ANKHD1: variants seen among roughly 807,000 people sequenced by gnomAD.
ANKHD1 encodes the protein ankyrin repeat and KH domain-containing protein 1.
A neutral mutation model predicts 230.5 loss-of-function variants in ANKHD1; 31 were observed. The ratio of observed to expected loss-of-function variants is 0.13; its 90% CI spans 0.10 to 0.18. The LOEUF (loss-of-function observed/expected upper bound fraction) is 0.18. Among genes scored for constraint, ANKHD1 ranks in the 10% least tolerant of loss-of-function variants. ANKHD1 has a pLI of 1.00. For synonymous variants in ANKHD1, 1,074 were observed against 1,117.6 expected (o/e 0.96, Z 0.78); for missense variants, 2,256 against 3,071.3 (o/e 0.73, Z 6.27).
rs1432504084 is a variant in ANKHD1 at position 140,529,032 on chromosome 5, A to T, written c.6086A>T (p.Glu2029Val). 6.2e-7 allele frequency: 1 copy of T among 1,614,094 alleles called. No homozygotes were observed. The highest frequency in any genetic ancestry group is 1.1e-5 in the South Asian group (1 of 91,082). ...ESFSAVPPTK[E>V]KVSTQDQPMA... ...TTCTCTGCTGTGCCACCCACCAAAG[A>T]GAAAGTGTCCACACAGGACCAGCCC... Residue 2029 changes from glutamate (E) to valine (V), a missense_variant, in exon 29 of 34, where the codon GAG (glutamate) becomes GTG (valine). Around this residue, in one of 13 missense-constraint regions of ANKHD1, gnomAD observed 778 missense variants for 966.5 expected, o/e 0.80. Coordinates refer to ENST00000360839, the MANE Select transcript of ANKHD1 (RefSeq NM_017747.3).
At chr5:140,410,058 A>G (rs1404668637) in intron 1 of ANKHD1, among the ~76,000 whole-genome samples, 3 of 152,178 alleles carry the variant, frequency 2.0e-5, no homozygotes, top group Non-Finnish European at 2.9e-5. Flanking sequence ...TATTTTCAAT[A>G]GATAATTACA....
chr5:140,501,710 C>T (rs1393054527), intron 15 of ANKHD1, among the ~76,000 whole-genome samples: 2 of 151,732 alleles, frequency 1.3e-5, no homozygotes, highest in East Asian at 3.9e-4. Flanking sequence ...GATCATGCCA[C>T]TGCACTCCAG....
chr5:140,409,549 ATTTT>A (rs5871734), intron 1 of ANKHD1, among the ~76,000 whole-genome samples: 14 of 125,120 alleles, frequency 1.1e-4, no homozygotes, highest in Non-Finnish European at 1.5e-4. Flanking sequence ...TACTGTAACA[ATTTT>A]TTTTTTTTTT....
rs1753603700 is a variant in ANKHD1 at position 140,526,275 on chromosome 5, G to A, written c.4772G>A (p.Ser1591Asn). 6.2e-7 allele frequency: 1 copy of A among 1,614,204 alleles called. No individual in the cohort carries two copies. The highest frequency in any genetic ancestry group is 8.5e-7 in the Non-Finnish European group (1 of 1,180,038). The change falls in exon 26 of 34, where the codon AGT becomes AAT. Residue 1591 changes from serine (S) to asparagine (N), a missense_variant. By Grantham distance (46) the Ser-to-Asn change is conservative. Around this residue, in one of 13 missense-constraint regions of ANKHD1, gnomAD observed 212 missense variants for 257.3 expected, o/e 0.82. Coordinates refer to ENST00000360839, the MANE Select transcript of ANKHD1 (RefSeq NM_017747.3). ...AGAGGTGGTGGTGCAGGTGGGAATA[G>A]TGATTCAGATAACTTGGACAGCACA... is the stretch of plus-strand genomic sequence containing the variant. ...EPRGGGAGGN[S>N]DSDNLDSTDC... is the part of the protein sequence containing the mutation.
chr5:140,486,922 G>T (rs776632905), intron 13 of ANKHD1, 36 bp from the exon 14 acceptor site: 2 of 1,597,166 alleles, frequency 1.3e-6, no homozygotes, highest in South Asian at 2.2e-5. Context: ...CTTATTCTTT[G>T]GTCTGAGATG....
Position 140,527,384 on chromosome 5 carries a change from A to G in ANKHD1, c.5087+310A>G. The G allele has an allele frequency of 3.7e-6, 1 of 266,756 alleles. No homozygotes were observed. Among genetic ancestry groups the G allele is most frequent in the Admixed American group, 5.2e-5 (1 of 19,218 alleles). The allele number at this position is 266,756 out of a possible 1,614,324, so 16.5% of individuals were successfully genotyped here. A position where few individuals can be genotyped will look rare whatever the true frequency, so the allele number is the denominator to read the frequency against. ...CAGTAATTCTAGAACTAAAGTACTA[A>G]TAATCAACTTTAGATTCAGAATACA... On this transcript the variant is annotated intron_variant, in intron 27 of 33. Transcript: ENST00000360839. The surrounding 1 kb of genome is among the most constrained non-coding windows in gnomAD (Gnocchi z 4.5).
chr5:140,452,062 CA>C (rs1380143254), intron 7 of ANKHD1, among the ~76,000 whole-genome samples: 1 of 152,148 alleles, frequency 6.6e-6, no homozygotes, highest in African/African-American at 2.4e-5. Context: ...TACGGCACAC[CA>C]GGAGATTATA....
intron 6 of ANKHD1, among the ~76,000 whole-genome samples, chr5:140,447,408 A>G (rs1581258516): frequency 6.6e-6 from 1 of 151,332 alleles, no homozygotes; most frequent in African/African-American, 2.4e-5. Context: ...GGGTCTCACT[A>G]TGTTGCCCAG....
intron 14 of ANKHD1, among the ~76,000 whole-genome samples, chr5:140,487,718 G>A (rs930791177): frequency 2.0e-5 from 3 of 152,222 alleles, no homozygotes; most frequent in Non-Finnish European, 2.9e-5. Context: ...TCATAATTAT[G>A]TATAGTTGTA....
chr5:140,530,581 T>A (rs926305172), intron 29 of ANKHD1, among the ~76,000 whole-genome samples: 3 of 151,650 alleles, frequency 2.0e-5, no homozygotes, highest in African/African-American at 7.3e-5. Context: ...CAGTGTAGAT[T>A]TAGCTGTTGC....
chr5:140,486,071 GTT>G (rs960695753), intron 13 of ANKHD1: 5 of 214,778 alleles, frequency 2.3e-5, no homozygotes, highest in East Asian at 1.7e-4. Flanking sequence ...TTTTTCTTTT[GTT>G]TTTTTTTTTG....
chr5:140,494,662 A>C (rs1751945843), intron 14 of ANKHD1, among the ~76,000 whole-genome samples: 1 of 152,190 alleles, frequency 6.6e-6, no homozygotes, highest in Admixed American at 6.5e-5. Flanking sequence ...AAAAAAGTAG[A>C]TGAATCTCTA....
chr5:140,478,539 A>G (rs2035528900), intron 10 of ANKHD1, among the ~76,000 whole-genome samples: 1 of 152,188 alleles, frequency 6.6e-6, no homozygotes, highest in African/African-American at 2.4e-5. Context: ...TAGAATAGGA[A>G]ACCATGTATT....
intron 15 of ANKHD1, chr5:140,497,941 C>G (rs898045034): frequency 6.7e-6 from 1 of 150,098 alleles, no homozygotes; most frequent in Non-Finnish European, 1.5e-5. Flanking sequence ...GCCTGATAAC[C>G]TTGAAGTATA....
At chr5:140,495,909 G>T (rs957531698) in intron 14 of ANKHD1, among the ~76,000 whole-genome samples, 1 of 152,040 alleles carries the variant, frequency 6.6e-6, no homozygotes, top group South Asian at 2.1e-4. Flanking sequence ...TGTGTTAAAG[G>T]TATATTTAAT....
intron 29 of ANKHD1, among the ~76,000 whole-genome samples, chr5:140,530,692 T>G (rs1287048941): frequency 6.6e-6 from 1 of 152,252 alleles, no homozygotes; most frequent in Non-Finnish European, 1.5e-5. Flanking sequence ...CCAGAATCTA[T>G]TTTCTATGGT....
intron 25 of ANKHD1, 31 bp from the exon 26 acceptor site, chr5:140,525,961 CTCAG>C: frequency 1.3e-6 from 2 of 1,528,290 alleles, no homozygotes; most frequent in East Asian, 4.5e-5. Context: ...AGATCTGTGA[CTCAG>C]TATGATTTTT....
At chr5:140,404,862 C>T (rs151318037) in intron 1 of ANKHD1, among the ~76,000 whole-genome samples, 14 of 151,732 alleles carry the variant, frequency 9.2e-5, no homozygotes, top group African/African-American at 3.1e-4. Context: ...GCCTGGCAAC[C>T]ATTTGCTTTT....
At chr5:140,439,457 G>T (rs1465108319) in intron 3 of ANKHD1, among the ~76,000 whole-genome samples, 1 of 152,032 alleles carries the variant, frequency 6.6e-6, no homozygotes, top group Admixed American at 6.6e-5. Context: ...ATCACTTCAG[G>T]CCAGGAGTTC....
Sources: gnomAD v4.1 joint callset for allele counts (sites outside exome capture counted in the v4.1 genomes callset) on GRCh38, gnomAD v4.1.1 for gene constraint, gnomAD v4.1.1 regional missense constraint, Gnocchi (gnomAD v3.1) non-coding constraint, MANE v1.5 for transcripts, NCBI Gene and HGNC (gene_info 2026-07-23, HGNC 2026-07-21) for gene names.